BCO2: variants seen among roughly 807,000 people sequenced by gnomAD.
BCO2 encodes the protein carotenoid-cleaving dioxygenase, mitochondrial.
Under a neutral mutation model 65.8 loss-of-function variants are expected in BCO2, and 56 were observed. That is an observed-to-expected ratio of 0.85 (90% confidence interval 0.69 to 1.06). The LOEUF (loss-of-function observed/expected upper bound fraction) is 1.06, where lower values mean the gene tolerates loss of function less well. Among genes scored for constraint, BCO2 ranks in the 50% least tolerant of loss-of-function variants. The pLI is 0.00. For missense variants in BCO2, 675 were observed against 698.5 expected, an observed-to-expected ratio of 0.97 and a Z score of 0.38; for synonymous variants, 233 against 242.3, an observed-to-expected ratio of 0.96 and a Z score of 0.36.
rs184480456 is a variant in BCO2, at chr11:112,192,459, C to T, written c.294-1015C>T. On this transcript the variant is annotated intron_variant, in intron 2 of 11. Transcript: ENST00000357685. ...TTAAAAAGCGAAGCCACAAACTTTT[C>T]CTTACAGTTTTCAATGTTTAACTAT... Among the ~76,000 whole-genome samples the T allele has an allele frequency of 1.1e-3, 174 of 152,098 alleles. 1 individual carries two copies. The highest frequency in any genetic ancestry group is 4.0e-3 in the African/African-American group (165 of 41,512).
chr11:112,181,882 T>C, intron 2 of BCO2: 1 of 857,140 alleles, frequency 1.2e-6, no homozygotes, highest in Admixed American at 1.9e-5. Context: ...TCTGGATCAG[T>C]GCTTGACTGT....
intron 2 of BCO2, among the ~76,000 whole-genome samples, chr11:112,183,388 A>G (rs1867111364): frequency 6.6e-6 from 1 of 152,226 alleles, no homozygotes; most frequent in African/African-American, 2.4e-5. Context: ...TTTTAACAGA[A>G]AAGCACTCAT....
intron 1 of BCO2, among the ~76,000 whole-genome samples, chr11:112,177,245 A>G (rs1189834521): frequency 6.6e-6 from 1 of 152,206 alleles, no homozygotes; most frequent in Non-Finnish European, 1.5e-5. Context: ...TTCCTTCTCT[A>G]TCTTTTCAAA....
rs759558199 is a variant in BCO2, at chr11:112,217,870, T to C, written c.1736T>C (p.Ile579Thr). The change falls in exon 12 of 12, where the codon ATC becomes ACC. Residue 579 changes from isoleucine (I) to threonine (T), a missense_variant. By Grantham distance (89) the Ile-to-Thr change is moderately conservative. Coordinates refer to ENST00000357685, the MANE Select transcript of BCO2 (RefSeq NM_031938.7). The part of the protein sequence containing the change: ...PYGFHGTFIP[I>T] ...GGGTTCCATGGTACCTTCATACCCA[T>C]CTGATGGGACAACCACAAGGTCTGG... 1.2e-6 allele frequency: 2 copies of C among 1,602,780 alleles called. No homozygotes were observed. The highest frequency in any genetic ancestry group is 1.7e-6 in the Non-Finnish European group (2 of 1,171,344).
intron 2 of BCO2, among the ~76,000 whole-genome samples, chr11:112,192,242 G>C (rs1592845542): frequency 6.6e-6 from 1 of 152,148 alleles, no homozygotes; most frequent in Non-Finnish European, 1.5e-5. Flanking sequence ...GTTCATTCAT[G>C]TTGTAACATG....
At position 112,213,131 on chromosome 11, in the gene BCO2, C is replaced by CTTTTT. The variant is rs35527541; in HGVS notation, c.1195-568_1195-564dup. ...TGTTTATTTGATGCTAATTAAATAA[C>CTTTTT]TTTTTTTTTTTTTTTTTTTTTTTTT... On this transcript the variant is annotated intron_variant, in intron 8 of 11. Transcript: ENST00000357685. 1.2e-3 allele frequency among the ~76,000 whole-genome samples: 78 copies of CTTTTT among 63,112 alleles called. 7 individuals are homozygous for CTTTTT. The highest frequency in any genetic ancestry group is 1.5e-3 in the Non-Finnish European group (60 of 38,728). 41.4% of individuals were successfully genotyped at this position (63,112 alleles called of 152,430 possible).
intron 2 of BCO2, chr11:112,181,064 C>T (rs1237309741): frequency 3.4e-6 from 5 of 1,478,974 alleles, no homozygotes; most frequent in Admixed American, 3.3e-5. Flanking sequence ...TGTTGGAGGG[C>T]GGTACTTTAC....
rs1301682585 is a variant in BCO2, at chr11:112,217,977, G to A, written c.*103G>A. ...GAGGACTCCAAAAGGGGGGCAAGGAGGAAGAGGGGCAGGGGTTAAAAAGCT... is the reference window on the plus strand; with the variant it reads ...GAGGACTCCAAAAGGGGGGCAAGGAAGAAGAGGGGCAGGGGTTAAAAAGCT... On this transcript the variant is annotated 3_prime_UTR_variant, in exon 12 of 12. Coordinates refer to ENST00000357685, the MANE Select transcript of BCO2 (RefSeq NM_031938.7). The A allele has an allele frequency of 3.8e-6, 3 of 799,862 alleles. No homozygotes were observed. Among genetic ancestry groups the A allele is most frequent in the East Asian group, 2.7e-5 (1 of 37,488 alleles). 49.5% of individuals were successfully genotyped at this position (799,862 alleles called of 1,614,324 possible). A position where few individuals can be genotyped will look rare whatever the true frequency, so the allele number is the denominator to read the frequency against.
At chr11:112,215,097 AGGGGTATGTTCCTTCTAG>A (rs1859627051) in intron 10 of BCO2, 153 bp downstream of exon 10, 3 of 717,580 alleles carry the variant, frequency 4.2e-6, no homozygotes, top group Non-Finnish European at 6.9e-6. Context: ...CATCTAAGTT[AGGGGTATGTTCCTTCTAG>A]GGAATCCAAA....
chr11:112,194,621 A>C (rs753882252), intron 4 of BCO2, 32 bp from the exon 5 acceptor site: 1 of 1,320,908 alleles, frequency 7.6e-7, no homozygotes, highest in African/African-American at 1.5e-5. Flanking sequence ...AGATCTGCCC[A>C]TTAAAAATCT....
intron 2 of BCO2, among the ~76,000 whole-genome samples, chr11:112,192,943 T>TTTTTTTTTTTTTTG (rs1555195002): frequency 2.3e-5 from 3 of 129,480 alleles, no homozygotes; most frequent in African/African-American, 8.8e-5. Context: ...TTTTTTTTTT[T>TTTTTTTTTTTTTTG]GACAGGGGTA....
At chr11:112,184,437 T>G (rs1358175314) in intron 2 of BCO2, among the ~76,000 whole-genome samples, 2 of 152,000 alleles carry the variant, frequency 1.3e-5, no homozygotes, top group Non-Finnish European at 2.9e-5. Flanking sequence ...GTATTTTTAG[T>G]AGAGACGGGG....
chr11:112,189,403 A>AGT (rs1566774966), intron 2 of BCO2, among the ~76,000 whole-genome samples: 3 of 136,158 alleles, frequency 2.2e-5, no homozygotes, highest in Non-Finnish European at 4.8e-5. Context: ...TAGAAAAGGA[A>AGT]ATTTTTTTTT....
rs1449202670 is a variant in BCO2, at chr11:112,194,681, A to G, written c.662A>G (p.Asn221Ser). Reference sequence around the variant, plus strand: ...GATTGGAGCAAATTTATTGCTGTGAATGGAGCAACTGCACATCCTCATTAT... The same window carrying G: ...GATTGGAGCAAATTTATTGCTGTGAGTGGAGCAACTGCACATCCTCATTAT... The part of the protein sequence containing the change: ...KVDWSKFIAV[N>S]GATAHPHYDL... The change falls in exon 5 of 12, where the codon AAT (asparagine) becomes AGT (serine). Residue 221 changes from asparagine (N) to serine (S), a missense_variant. By Grantham distance (46) the Asn-to-Ser change is conservative. Coordinates refer to ENST00000357685, the MANE Select transcript of BCO2 (RefSeq NM_031938.7). 7 of 1,613,384 alleles carry G rather than the reference A, an allele frequency of 4.3e-6. 1 individual carries two copies. In the East Asian group the frequency reaches 1.1e-4, roughly 26 times the overall value.
chr11:112,197,819 G>C (rs1867622799), intron 5 of BCO2, among the ~76,000 whole-genome samples: 1 of 152,152 alleles, frequency 6.6e-6, no homozygotes, highest in African/African-American at 2.4e-5. Flanking sequence ...CTTCTCGCTT[G>C]TCATGATAGG....
chr11:112,208,218 T>C (rs906278822), intron 8 of BCO2, among the ~76,000 whole-genome samples: 1 of 152,174 alleles, frequency 6.6e-6, no homozygotes, highest in Non-Finnish European at 1.5e-5. Flanking sequence ...CACCTTGGCC[T>C]CCCAAAGTGC....
rs1473681675 is a variant in BCO2, at chr11:112,218,838, A to C, written c.*964A>C. ...GGGCTCTTACTTGAAATAATTAAGA[A>C]AGTATTGATACAACCTTTTGAAGAG... On this transcript the variant is annotated 3_prime_UTR_variant, in exon 12 of 12. Coordinates refer to ENST00000357685, the MANE Select transcript of BCO2 (RefSeq NM_031938.7). 6.6e-6 allele frequency: 1 copy of C among 152,238 alleles called. No homozygotes were observed. The highest frequency in any genetic ancestry group is 1.5e-5 in the Non-Finnish European group (1 of 68,042). 9.4% of individuals were successfully genotyped at this position (152,238 alleles called of 1,614,324 possible). A position where few individuals can be genotyped will look rare whatever the true frequency, so the allele number is the denominator to read the frequency against.
At chr11:112,179,622 G>A in intron 2 of BCO2, 140 bp downstream of exon 2, 1 of 789,612 alleles carries the variant, frequency 1.3e-6, no homozygotes, top group Non-Finnish European at 2.0e-6. Context: ...CTGTAGCCTA[G>A]AGGAGAAGAA....
chr11:112,192,371 CAT>C (rs1193677523), intron 2 of BCO2, among the ~76,000 whole-genome samples: 3 of 152,098 alleles, frequency 2.0e-5, no homozygotes, highest in Admixed American at 6.5e-5. Flanking sequence ...AACTGATTAA[CAT>C]GTGTTAATCA....
Sources: allele counts gnomAD v4.1 joint callset (sites outside exome capture counted in the v4.1 genomes callset), GRCh38; gene constraint gnomAD v4.1.1; transcripts MANE v1.5; gene names NCBI Gene and HGNC (gene_info 2026-07-23, HGNC 2026-07-21).